Variants in DIP2C observed in about 807,000 individuals in gnomAD.
DIP2C encodes the protein DIP2 acetate--CoA ligase C (putative).
A neutral mutation model predicts 192.4 loss-of-function variants in DIP2C; 33 were observed. That is an observed-to-expected ratio of 0.17 (90% CI 0.13 to 0.23). The LOEUF is 0.23. DIP2C is among the 10% of genes least tolerant of loss of function. The pLI, the probability that DIP2C is intolerant of heterozygous loss-of-function variation, is 1.00. For synonymous variants in DIP2C, 979 were observed against 864.1 expected (o/e 1.13, Z -2.33); for missense variants, 1,537 against 2,110.1 (o/e 0.73, Z 5.32).
intron 29 of DIP2C, among the ~76,000 whole-genome samples, chr10:333,607 G>A (rs542708662): frequency 5.3e-5 from 8 of 152,320 alleles, no homozygotes; most frequent in Middle Eastern, 3.4e-3. Context: ...CTTACACCAA[G>A]TCTCTGAGTG....
chr10:550,829 C>G (rs1322400609), intron 1 of DIP2C, among the ~76,000 whole-genome samples: 1 of 152,254 alleles, frequency 6.6e-6, no homozygotes, highest in Non-Finnish European at 1.5e-5. Flanking sequence ...GAGGGATGCT[C>G]CATTCCCTCT....
intron 3 of DIP2C, among the ~76,000 whole-genome samples, chr10:471,840 C>G (rs898962030): frequency 6.6e-6 from 1 of 152,082 alleles, no homozygotes; most frequent in Non-Finnish European, 1.5e-5. Context: ...GCAACCTCCG[C>G]CTCCCAGGTT....
At chr10:289,206 GGGACAGGGTGC>G (rs1034844176) in intron 32 of DIP2C, among the ~76,000 whole-genome samples, 1 of 151,096 alleles carries the variant, frequency 6.6e-6, no homozygotes, top group African/African-American at 2.4e-5. Context: ...CTCCCACCTG[GGGACAGGGTGC>G]GGGCAGGGGG....
chr10:479,194 C>T (rs1247947194), intron 2 of DIP2C, among the ~76,000 whole-genome samples: 1 of 152,150 alleles, frequency 6.6e-6, no homozygotes, highest in Non-Finnish European at 1.5e-5. Flanking sequence ...AGAAAGCAAA[C>T]AGGACAACTG....
chr10:412,457 T>C (rs1314580635), intron 8 of DIP2C, among the ~76,000 whole-genome samples: 5 of 152,246 alleles, frequency 3.3e-5, no homozygotes, highest in Non-Finnish European at 7.3e-5. Context: ...AAGTCTTTCA[T>C]GCTTTTGACT....
chr10:327,188 G>A lies in DIP2C; in HGVS notation c.3754-12C>T, dbSNP rs754348781. 7.4e-6 allele frequency: 12 copies of A among 1,611,350 alleles called. No homozygotes were observed. Among genetic ancestry groups the A allele is most frequent in the Non-Finnish European group, 1.0e-5 (12 of 1,179,132 alleles). On this transcript the variant is annotated splice_polypyrimidine_tract_variant and intron_variant, in intron 30 of 36. Coordinates refer to ENST00000280886, the MANE Select transcript of DIP2C (RefSeq NM_014974.3). ...TCCAGCCCTCGCGCCTGGAGATGAT[G>A]ACAGAGAAACCGAGTCAGCCCCCAC...
chr10:366,381 A>G lies in DIP2C; in HGVS notation c.2162T>C (p.Val721Ala), dbSNP rs2132750984. The G allele has an allele frequency of 1.2e-6, 2 of 1,614,198 alleles. No homozygotes were observed. Among genetic ancestry groups the G allele is most frequent in the East Asian group, 4.5e-5 (2 of 44,888 alleles). ...AIMCSVKPDG[V>A]PQLCRTDEIG... ...CTCATCCGTTCTGCACAGCTGAGGAACCCCGTCTGGCTTCACTGAACACAT... is the reference window on the plus strand; with the variant it reads ...CTCATCCGTTCTGCACAGCTGAGGAGCCCCGTCTGGCTTCACTGAACACAT... Residue 721 changes from valine to alanine, a missense_variant, in exon 19 of 37, where the codon GTT (valine) becomes GCT (alanine). Val to Ala is a moderately conservative substitution (Grantham distance 64, BLOSUM62 0). Around this residue, in one of 4 missense-constraint regions of DIP2C, gnomAD observed 677 missense variants for 989.9 expected, o/e 0.68. Coordinates refer to ENST00000280886, the MANE Select transcript of DIP2C (RefSeq NM_014974.3).
chr10:591,096 AAC>A (rs938733647), intron 1 of DIP2C, among the ~76,000 whole-genome samples: 1 of 131,394 alleles, frequency 7.6e-6, no homozygotes, highest in Non-Finnish European at 1.5e-5. Context: ...CATCACAGAT[AAC>A]AGTCAGGTTT....
chr10:479,241 G>C (rs150122834), intron 2 of DIP2C, among the ~76,000 whole-genome samples: 275 of 150,068 alleles, frequency 1.8e-3, no homozygotes, highest in African/African-American at 6.5e-3. Flanking sequence ...AATTTTCCTT[G>C]TATTCACTGG....
At chr10:409,078 C>T (rs2133072295) in intron 8 of DIP2C, 61 bp from the exon 9 acceptor site, 1 of 1,561,080 alleles carries the variant, frequency 6.4e-7, no homozygotes, top group Non-Finnish European at 8.8e-7. Flanking sequence ...ACAGCTTCTG[C>T]AAGTCAAAGT....
intron 9 of DIP2C, among the ~76,000 whole-genome samples, chr10:400,985 G>A (rs1964384383): frequency 7.5e-6 from 1 of 132,844 alleles, no homozygotes; most frequent in Non-Finnish European, 1.6e-5. Context: ...GGACAAGTTT[G>A]GTATGTGTTC....
chr10:546,817 C>CA (rs1169878584), intron 1 of DIP2C, among the ~76,000 whole-genome samples: 1 of 152,130 alleles, frequency 6.6e-6, no homozygotes. Flanking sequence ...TCAATATCAC[C>CA]ACTGATCACA....
At chr10:598,578 G>A (rs752511) in intron 1 of DIP2C, among the ~76,000 whole-genome samples, 107,245 of 150,210 alleles carry the variant, frequency 0.71, 42,864 homozygotes, top group Non-Finnish European at 0.88. Flanking sequence ...TGCTCCTCAC[G>A]CCACCCCTCC....
intron 32 of DIP2C, among the ~76,000 whole-genome samples, chr10:293,898 G>A (rs1955613472): frequency 6.6e-6 from 1 of 152,154 alleles, no homozygotes; most frequent in African/African-American, 2.4e-5. Context: ...AAAAGGCTAA[G>A]GGGAAGAAGA....
intron 32 of DIP2C, 63 bp from the exon 33 acceptor site, chr10:288,484 T>C (rs1955276938): frequency 2.2e-5 from 34 of 1,563,796 alleles, no homozygotes; most frequent in Non-Finnish European, 2.9e-5. Context: ...CCTTCACCAA[T>C]TCACACGAGG....
intron 1 of DIP2C, among the ~76,000 whole-genome samples, chr10:576,213 G>A (rs1309272752): frequency 1.3e-5 from 2 of 152,172 alleles, no homozygotes. Flanking sequence ...GGTTCTCCTG[G>A]GACTCCCAGG....
chr10:380,229 G>GC (rs1589660337), intron 17 of DIP2C, among the ~76,000 whole-genome samples: 3 of 149,248 alleles, frequency 2.0e-5, no homozygotes, highest in Admixed American at 6.7e-5. Context: ...TGGTTAAGAC[G>GC]AAGAAGAGGC....
At chr10:380,533 G>C (rs755372691) in intron 17 of DIP2C, among the ~76,000 whole-genome samples, 9 of 152,246 alleles carry the variant, frequency 5.9e-5, no homozygotes, top group Non-Finnish European at 1.3e-4. Flanking sequence ...ACAACACAGA[G>C]GAAACGGCCA....
In DIP2C at chr10:407,545, C is replaced by T. The variant is rs76437311; in HGVS notation, c.1149+1381G>A. 9.2e-3 allele frequency among the ~76,000 whole-genome samples: 1,401 copies of T among 152,264 alleles called. 21 individuals are homozygous for T. Among genetic ancestry groups the T allele is most frequent in the African/African-American group, 0.032 (1,331 of 41,552 alleles). On this transcript the variant is annotated intron_variant, in intron 9 of 36. Transcript: ENST00000280886. The stretch of plus-strand genomic sequence containing the variant: ...AGGCTGCACCATTTTACACTGTCAC[C>T]AGCAATGCGCAAGGGTTCCGACTTC...
Sources: gnomAD v4.1 joint callset for allele counts (sites outside exome capture counted in the v4.1 genomes callset) on GRCh38, gnomAD v4.1.1 for gene constraint, gnomAD v4.1.1 regional missense constraint, MANE v1.5 for transcripts, NCBI Gene and HGNC (gene_info 2026-07-23, HGNC 2026-07-21) for gene names.